Variants in PABIR2 observed in about 807,000 individuals in gnomAD.
The protein encoded by PABIR2 is family with sequence similarity 122B.
A neutral mutation model predicts 22.8 loss-of-function variants in PABIR2; 7 were observed. That is an observed-to-expected ratio of 0.31 (90% confidence interval 0.17 to 0.58). PABIR2 has a LOEUF of 0.58. Among genes scored for constraint, PABIR2 ranks in the 20% least tolerant of loss-of-function variants. The probability of loss-of-function intolerance (pLI) is 0.89; values close to 1 mark genes in which losing one functional copy is unlikely to be tolerated. For synonymous variants in PABIR2, 67 were observed against 73.8 expected (o/e 0.91, Z 0.47); for missense variants, 155 against 205.1 (o/e 0.76, Z 1.49).
intron 9 of PABIR2, among the ~76,000 whole-genome samples, chrX:134,777,773 T>C (rs1309643240): frequency 9.1e-6 from 1 of 110,042 alleles, no homozygotes; most frequent in Non-Finnish European, 1.9e-5. Context: ...GAAGCGGAGG[T>C]TGCAGTGAGC....
intron 1 of PABIR2, among the ~76,000 whole-genome samples, chrX:134,794,877 C>G (rs2079681703): frequency 8.9e-6 from 1 of 111,823 alleles, no homozygotes; most frequent in African/African-American, 3.3e-5. Flanking sequence ...TTAGTGAAAA[C>G]TGGGACCAGG....
rs2079300144 is a variant in PABIR2 at position 134,785,903 on chromosome X, C to A, written c.545G>T (p.Gly182Val). 8.3e-7 allele frequency: 1 copy of A among 1,211,078 alleles called. No individual in the cohort carries two copies. The highest frequency in any genetic ancestry group is 1.7e-5 in the African/African-American group (1 of 57,811). ...PVKCIRPSVL[G>V]PLKRKGEMET... ...CTACATACCTTTTCTTTTAAGAGGA[C>A]CAAGAACACTGGGTCTAATGCACTT... is the stretch of plus-strand genomic sequence containing the variant. Residue 182 changes from glycine to valine, a missense_variant, in exon 8 of 10, where the codon GGT becomes GTT. Gly to Val is a moderately radical substitution (Grantham distance 109). Transcript: ENST00000343004.
chrX:134,794,045 G>A (rs768927699), intron 1 of PABIR2, 152 bp from the exon 2 acceptor site: 18 of 1,083,381 alleles, frequency 1.7e-5, no homozygotes, highest in East Asian at 1.0e-4. Flanking sequence ...ACTCCTCACC[G>A]TCCTCTCTGC....
rs1442988481 is a variant in PABIR2, at chrX:134,797,105, G to A, written c.-900C>T. On this transcript the variant is annotated 5_prime_UTR_variant, in exon 1 of 10. Transcript: ENST00000343004. ...GTCTGGGGGAACCCGTTGGGGCCAA[G>A]ACCAAAATCTACAACCTGCAGTCTC... 1 of 113,870 alleles carries A rather than the reference G, an allele frequency of 8.8e-6. No individual in the cohort carries two copies. The highest frequency in any genetic ancestry group is 9.2e-5 in the Admixed American group (1 of 10,919). 9.4% of individuals were successfully genotyped at this position (113,870 alleles called of 1,213,427 possible).
chrX:134,785,660 T>G (rs1210684446), intron 8 of PABIR2, among the ~76,000 whole-genome samples: 1 of 111,556 alleles, frequency 9.0e-6, no homozygotes, highest in African/African-American at 3.3e-5. Context: ...CAGGCTGGTC[T>G]CAAACTCCTG....
intron 8 of PABIR2, 82 bp downstream of exon 8, chrX:134,785,804 G>T: frequency 1.0e-6 from 1 of 954,240 alleles, no homozygotes; most frequent in Non-Finnish European, 1.5e-6. Flanking sequence ...TGTGTGGTAA[G>T]AACACTTAAG....
In PABIR2 at chrX:134,796,917, C is replaced by G. The variant is rs775095537; in HGVS notation, c.-712G>C. On this transcript the variant is annotated 5_prime_UTR_variant, in exon 1 of 10. Coordinates refer to ENST00000343004, the MANE Select transcript of PABIR2 (RefSeq NM_001387468.1). ...GCTCCAGCTCCCCATGCTCGGGGAC[C>G]CGGTCCAGCCCCCCATGCTCCCGGA... is the stretch of plus-strand genomic sequence containing the variant. The G allele has an allele frequency of 4.0e-4, 45 of 111,578 alleles. 1 individual carries two copies. The highest frequency in any genetic ancestry group is 7.2e-4 in the Non-Finnish European group (38 of 52,860). 9.2% of individuals were successfully genotyped at this position (111,578 alleles called of 1,213,427 possible). A position where few individuals can be genotyped will look rare whatever the true frequency, so the allele number is the denominator to read the frequency against.
chrX:134,785,290 C>T (rs983471362), intron 8 of PABIR2, among the ~76,000 whole-genome samples: 8 of 111,699 alleles, frequency 7.2e-5, no homozygotes, highest in African/African-American at 2.6e-4. Flanking sequence ...TTAATTCAAG[C>T]TTGGCTAGGT....
Position 134,787,549 on chromosome X carries a change from A to G in PABIR2, c.436-16T>C, listed in dbSNP as rs758509766. ...TCACGAACATCTGTAAGAAGGGTGA[A>G]AAACATTACTAGAAAAAACATATTC... On this transcript the variant is annotated splice_polypyrimidine_tract_variant and intron_variant, in intron 6 of 9. Coordinates refer to ENST00000343004, the MANE Select transcript of PABIR2 (RefSeq NM_001387468.1). 8.4e-7 allele frequency: 1 copy of G among 1,185,192 alleles called. No individual in the cohort carries two copies. Among genetic ancestry groups the G allele is most frequent in the East Asian group, 3.0e-5 (1 of 33,621 alleles).
At chrX:134,785,665 C>T (rs1256204317) in intron 8 of PABIR2, among the ~76,000 whole-genome samples, 2 of 111,630 alleles carry the variant, frequency 1.8e-5, no homozygotes, top group African/African-American at 3.3e-5. Context: ...TGGTCTCAAA[C>T]TCCTGACCCG....
chrX:134,789,019 T>G, intron 5 of PABIR2, 66 bp downstream of exon 5: 2 of 1,169,584 alleles, frequency 1.7e-6, no homozygotes, highest in East Asian at 6.0e-5. Context: ...AAAAAATTAA[T>G]GAACCTAGTG....
At chrX:134,773,971 T>C (rs1013277432) in intron 9 of PABIR2, among the ~76,000 whole-genome samples, 3 of 111,945 alleles carry the variant, frequency 2.7e-5, no homozygotes, top group African/African-American at 9.7e-5. Context: ...TTCTTTAAAA[T>C]GTCATTTCAT....
Position 134,770,252 on chromosome X carries a change from C to T in PABIR2, c.*1887G>A, listed in dbSNP as rs1433843629. 8.9e-6 allele frequency: 1 copy of T among 112,048 alleles called. No homozygotes were observed. Among genetic ancestry groups the T allele is most frequent in the Non-Finnish European group, 1.9e-5 (1 of 53,124 alleles). The allele number at this position is 112,048 out of a possible 1,213,427, so 9.2% of individuals were successfully genotyped here. ...TGATCTTTTACAAACAGAATAGATA[C>T]ACTGCATACCATCGAAGAATTTTTT... On this transcript the variant is annotated 3_prime_UTR_variant, in exon 10 of 10. Coordinates refer to ENST00000343004, the MANE Select transcript of PABIR2 (RefSeq NM_001387468.1).
chrX:134,788,458 TTATA>T (rs1210953403), intron 6 of PABIR2, among the ~76,000 whole-genome samples: 1 of 105,837 alleles, frequency 9.4e-6, no homozygotes, highest in Admixed American at 1.1e-4. Flanking sequence ...GTTATATATG[TTATA>T]TATGTGTTAT....
At chrX:134,790,029 G>A (rs2079499814) in intron 2 of PABIR2, among the ~76,000 whole-genome samples, 2 of 111,741 alleles carry the variant, frequency 1.8e-5, no homozygotes, top group South Asian at 7.4e-4. Flanking sequence ...TGCAGCAATG[G>A]GGGAAGACAG....
At chrX:134,783,924 T>C (rs1377431254) in intron 8 of PABIR2, among the ~76,000 whole-genome samples, 3 of 106,873 alleles carry the variant, frequency 2.8e-5, no homozygotes, top group Non-Finnish European at 5.8e-5. Flanking sequence ...AATACAAAAA[T>C]TAGCTGGCCA....
At chrX:134,788,983 G>A in intron 5 of PABIR2, 102 bp downstream of exon 5, 6 of 1,062,045 alleles carry the variant, frequency 5.6e-6, no homozygotes, top group Non-Finnish European at 7.8e-6. Context: ...TATCAATTTG[G>A]AAGTAGAAGG....
In PABIR2 at chrX:134,771,852, T is replaced by G; in HGVS notation, c.*287A>C. ...TAAATGTATAGACTCAAAATAGGTG[T>G]TTTTTGAGGCACTAAGAAAAAAGAT... On this transcript the variant is annotated 3_prime_UTR_variant, in exon 10 of 10. Transcript: ENST00000343004. The G allele has an allele frequency of 2.3e-5, 20 of 883,008 alleles. No individual in the cohort carries two copies. The highest frequency in any genetic ancestry group is 2.6e-5 in the Non-Finnish European group (19 of 721,705). 72.8% of individuals were successfully genotyped at this position (883,008 alleles called of 1,213,427 possible).
chrX:134,773,801 G>A lies in PABIR2; in HGVS notation c.660-1518C>T, dbSNP rs183535263. On this transcript the variant is annotated intron_variant, in intron 9 of 9. Transcript: ENST00000343004. Reference sequence around the variant, plus strand: ...ATTCCAGTCTAACATGCTCTGAGTCGAAATGTTAGGAGTCTTTAATATTAT... The same window carrying A: ...ATTCCAGTCTAACATGCTCTGAGTCAAAATGTTAGGAGTCTTTAATATTAT... Among the ~76,000 whole-genome samples, 15 of 111,829 alleles carry A rather than the reference G, an allele frequency of 1.3e-4. No homozygotes were observed. The East Asian group carries it at 2.0e-3, about 15-fold the overall frequency.
Sources: allele counts gnomAD v4.1 joint callset (sites outside exome capture counted in the v4.1 genomes callset), GRCh38; gene constraint gnomAD v4.1.1; transcripts MANE v1.5; gene names NCBI Gene and HGNC (gene_info 2026-07-23, HGNC 2026-07-21).